Variants in CDH18 observed in about 807,000 individuals in gnomAD.
CDH18 encodes the protein cadherin 18, also known as cadherin-18.
Under a neutral mutation model 67.9 loss-of-function variants are expected in CDH18, and 31 were observed. The ratio of observed to expected loss-of-function variants is 0.46; its 90% CI spans 0.34 to 0.62. The LOEUF (loss-of-function observed/expected upper bound fraction) is 0.62. CDH18 is among the 20% of genes least tolerant of loss of function. CDH18 has a pLI of 0.01. For missense variants in CDH18, 890 were observed against 975.5 expected (o/e 0.91, Z 1.17); for synonymous variants, 362 against 347.2 (o/e 1.04, Z -0.48).
chr5:20,402,619 T>C (rs974300471), intron 1 of CDH18, among the ~76,000 whole-genome samples: 10 of 151,434 alleles, frequency 6.6e-5, no homozygotes, highest in African/African-American at 2.2e-4. Context: ...TAATATTGTC[T>C]AAAAACGTGG....
At chr5:20,151,465 T>C (rs1751096673) in intron 2 of CDH18, among the ~76,000 whole-genome samples, 1 of 152,186 alleles carries the variant, frequency 6.6e-6, no homozygotes, top group South Asian at 2.1e-4. Context: ...TGCATGTGTC[T>C]TTTGGGTATA....
chr5:20,299,403 TACACACACACACACAC>T (rs56003449), intron 1 of CDH18, among the ~76,000 whole-genome samples: 1,931 of 138,766 alleles, frequency 0.014, 46 homozygotes, highest in African/African-American at 0.048. Context: ...CAACATTAGC[TACACACACACACACAC>T]ACACACACAC....
intron 1 of CDH18, among the ~76,000 whole-genome samples, chr5:20,310,391 T>A (rs1322205256): frequency 2.0e-5 from 3 of 152,196 alleles, no homozygotes; most frequent in Admixed American, 6.5e-5. Flanking sequence ...ATCACTAGTT[T>A]GTAATCCACA....
chr5:20,089,779 G>A (rs1289889739), intron 2 of CDH18, among the ~76,000 whole-genome samples: 1 of 152,028 alleles, frequency 6.6e-6, no homozygotes, highest in East Asian at 1.9e-4. Context: ...TAAGTATTTA[G>A]GCTAATAAAA....
intron 5 of CDH18, among the ~76,000 whole-genome samples, chr5:19,651,600 T>G (rs1483997341): frequency 2.6e-5 from 4 of 152,034 alleles, no homozygotes; most frequent in African/African-American, 4.8e-5. Context: ...AACTGGAAAT[T>G]ATTTGGTAAT....
chr5:20,303,269 T>G (rs137855364), intron 1 of CDH18, among the ~76,000 whole-genome samples: 5,301 of 152,222 alleles, frequency 0.035, 251 homozygotes, highest in African/African-American at 0.1. Context: ...CCATGGTGTA[T>G]ATGATAAGCT....
At chr5:19,825,221 G>A (rs1447245949) in intron 3 of CDH18, among the ~76,000 whole-genome samples, 1 of 152,126 alleles carries the variant, frequency 6.6e-6, no homozygotes, top group Non-Finnish European at 1.5e-5. Flanking sequence ...GGCAGGGTGG[G>A]TGACTCAACC....
intron 5 of CDH18, among the ~76,000 whole-genome samples, chr5:19,673,160 C>A (rs1046052404): frequency 6.6e-6 from 1 of 152,008 alleles, no homozygotes; most frequent in Non-Finnish European, 1.5e-5. Flanking sequence ...TTACACCATG[C>A]TTTATTCTGT....
At chr5:19,901,830 T>C (rs1789967560) in intron 2 of CDH18, among the ~76,000 whole-genome samples, 1 of 151,922 alleles carries the variant, frequency 6.6e-6, no homozygotes, top group South Asian at 2.1e-4. Context: ...TTTTCACTTA[T>C]GATATATAAT....
intron 3 of CDH18, among the ~76,000 whole-genome samples, chr5:19,835,106 G>T (rs62355834): frequency 5.6e-4 from 85 of 152,066 alleles, no homozygotes; most frequent in Non-Finnish European, 1.2e-3. Context: ...CAATAGCAAA[G>T]ACATGGAACC....
chr5:19,741,257 G>GTATACATACATA (rs1769136450), intron 4 of CDH18, among the ~76,000 whole-genome samples: 2 of 58,416 alleles, frequency 3.4e-5, no homozygotes, highest in Non-Finnish European at 1.2e-4. Flanking sequence ...ATGTATATAT[G>GTATACATACATA]TATACATATA....
intron 5 of CDH18, among the ~76,000 whole-genome samples, chr5:19,670,491 G>A (rs1018490586): frequency 2.6e-5 from 4 of 152,104 alleles, no homozygotes; most frequent in East Asian, 1.9e-4. Flanking sequence ...TGCCATGCAG[G>A]ACAAATGTAA....
chr5:19,876,289 T>C (rs1447817530), intron 2 of CDH18, among the ~76,000 whole-genome samples: 2 of 152,134 alleles, frequency 1.3e-5, no homozygotes, highest in Non-Finnish European at 2.9e-5. Context: ...ATCCTGAGGC[T>C]TGAATATACA....
chr5:19,593,737 T>TCTTCTTCTTCTTCTTCTTCTTCTC (rs1745691636), intron 6 of CDH18, among the ~76,000 whole-genome samples: 3 of 139,332 alleles, frequency 2.2e-5, no homozygotes, highest in African/African-American at 8.8e-5. Flanking sequence ...TTCTTCTTCT[T>TCTTCTTCTTCTTCTTCTTCTTCTC]CTTCTTCTTC....
chr5:19,633,188 A>G (rs1386572699), intron 5 of CDH18, among the ~76,000 whole-genome samples: 1 of 152,186 alleles, frequency 6.6e-6, no homozygotes, highest in Non-Finnish European at 1.5e-5. Flanking sequence ...CATTCTTGCT[A>G]TGGAACGGAA....
At chr5:19,511,205 T>C (rs999532683) in intron 10 of CDH18, among the ~76,000 whole-genome samples, 5 of 152,138 alleles carry the variant, frequency 3.3e-5, no homozygotes, top group Non-Finnish European at 7.4e-5. Flanking sequence ...CCCCTTGGCT[T>C]TCCCCCGTGA....
At position 19,700,412 on chromosome 5, in the gene CDH18, C is replaced by T. The variant is rs80307765; in HGVS notation, c.643+20935G>A. On this transcript the variant is annotated intron_variant, in intron 5 of 12. Coordinates refer to ENST00000382275, the MANE Select transcript of CDH18 (RefSeq NM_004934.5). ...TGTCGACTGAAACATAGTTGTGTAG[C>T]GCATGACTGTGTGTGTATATGCCTG... Among the ~76,000 whole-genome samples, 780 of 152,212 alleles carry T rather than the reference C, an allele frequency of 5.1e-3. 8 individuals carry two copies. The highest frequency in any genetic ancestry group is 0.018 in the African/African-American group (752 of 41,554).
At chr5:19,810,180 A>G (rs934092784) in intron 3 of CDH18, among the ~76,000 whole-genome samples, 2 of 151,898 alleles carry the variant, frequency 1.3e-5, no homozygotes, top group African/African-American at 4.8e-5. Flanking sequence ...AAATACAAAA[A>G]TTAGCCAGAC....
rs144375924 is a variant in CDH18, at chr5:19,897,851, A to C, written c.-256-58609T>G. ...AATTCAAAATCTGGTAAATTAATCT[A>C]TGAAAGTAGAAGTCAGGAACCTTGT... is the stretch of plus-strand genomic sequence containing the variant. On this transcript the variant is annotated intron_variant, in intron 2 of 12. Transcript: ENST00000382275. 2.9e-3 allele frequency among the ~76,000 whole-genome samples: 448 copies of C among 152,252 alleles called. 4 individuals are homozygous for C. Among genetic ancestry groups the C allele is most frequent in the African/African-American group, 0.01 (435 of 41,588 alleles).
Sources: allele counts gnomAD v4.1 joint callset (sites outside exome capture counted in the v4.1 genomes callset), GRCh38; gene constraint gnomAD v4.1.1; transcripts MANE v1.5; gene names NCBI Gene and HGNC (gene_info 2026-07-23, HGNC 2026-07-21).